The following PDSS2 variants were observed in gnomAD, a reference collection of about 807,000 sequenced individuals.
PDSS2 encodes all trans-polyprenyl-diphosphate synthase PDSS2.
In PDSS2, 31 loss-of-function variants were observed where a neutral mutation model predicts 44.5. The observed-to-expected ratio is 0.70, with a 90% CI of 0.52 to 0.94. The LOEUF (loss-of-function observed/expected upper bound fraction) is 0.94, where lower values mean the gene tolerates loss of function less well. PDSS2 is among the 40% of genes least tolerant of loss of function. The pLI is 0.00. For synonymous variants in PDSS2, 157 were observed against 180.3 expected (o/e 0.87, Z 1.03); for missense variants, 452 against 482.2 (o/e 0.94, Z 0.59).
At chr6:107,213,704 T>C (rs9398124) in intron 4 of PDSS2, among the ~76,000 whole-genome samples, 116,167 of 152,000 alleles carry the variant, frequency 0.76, 45,158 homozygotes, top group East Asian at 0.99. Flanking sequence ...TTGCAGTGAG[T>C]CGAGATTGCA....
chr6:107,420,199 T>TA (rs1780781528), intron 1 of PDSS2, among the ~76,000 whole-genome samples: 1 of 152,276 alleles, frequency 6.6e-6, no homozygotes, highest in South Asian at 2.1e-4. Context: ...TCCTATTCCA[T>TA]AAAAAATTCT....
chr6:107,208,624 T>C (rs1773089672), intron 6 of PDSS2, among the ~76,000 whole-genome samples: 1 of 139,484 alleles, frequency 7.2e-6, no homozygotes, highest in Non-Finnish European at 1.6e-5. Flanking sequence ...TTTTTTTTTT[T>C]TGGGGACGGA....
chr6:107,381,285 A>T (rs1779447749), intron 1 of PDSS2, among the ~76,000 whole-genome samples: 1 of 152,228 alleles, frequency 6.6e-6, no homozygotes, highest in Non-Finnish European at 1.5e-5. Flanking sequence ...TTTTGCATTC[A>T]TCATCAATTG....
rs1770782177 is a variant in PDSS2, at chr6:107,153,636, AAC to A, written c.*981_*982del. 1 of 152,654 alleles carries A rather than the reference AAC, an allele frequency of 6.6e-6. No homozygotes were observed. The highest frequency in any genetic ancestry group is 1.9e-4 in the East Asian group (1 of 5,204). 9.5% of individuals were successfully genotyped at this position (152,654 alleles called of 1,614,324 possible). ...AAAAAACTGATCTTCAGGAAAGAAA[AAC>A]AGACTATTCCTAATATAACCAATTT... On this transcript the variant is annotated 3_prime_UTR_variant, in exon 8 of 8. Coordinates refer to ENST00000369037, the MANE Select transcript of PDSS2 (RefSeq NM_020381.4).
chr6:107,244,982 A>C (rs1774559581), intron 4 of PDSS2, among the ~76,000 whole-genome samples: 1 of 152,208 alleles, frequency 6.6e-6, no homozygotes, highest in African/African-American at 2.4e-5. Context: ...CTTTCTTGAG[A>C]TGTCCTGCTA....
intron 4 of PDSS2, among the ~76,000 whole-genome samples, chr6:107,240,398 CT>C (rs751073523): frequency 0.16 from 21,594 of 130,944 alleles, 1,235 homozygotes; most frequent in East Asian, 0.27. Context: ...GAGACCCTAC[CT>C]TTTTTTTTTT....
chr6:107,219,838 G>A (rs58213277), intron 4 of PDSS2, among the ~76,000 whole-genome samples: 2,863 of 152,262 alleles, frequency 0.019, 85 homozygotes, highest in African/African-American at 0.066. Flanking sequence ...AATAGTACCT[G>A]TTTATCTGTT....
intron 7 of PDSS2, among the ~76,000 whole-genome samples, chr6:107,186,622 C>G (rs562239806): frequency 1.3e-5 from 2 of 152,128 alleles, no homozygotes; most frequent in South Asian, 2.1e-4. Flanking sequence ...CCCCTACCCC[C>G]CAACAGGCCC....
At chr6:107,379,512 C>T (rs1779391941) in intron 1 of PDSS2, among the ~76,000 whole-genome samples, 1 of 152,100 alleles carries the variant, frequency 6.6e-6, no homozygotes, top group African/African-American at 2.4e-5. Context: ...TTAAAGTCTC[C>T]CATTATTAAT....
At chr6:107,211,966 A>G in intron 5 of PDSS2, 143 bp downstream of exon 5, 1 of 714,910 alleles carries the variant, frequency 1.4e-6, no homozygotes, top group South Asian at 1.6e-5. Context: ...TACATTACAT[A>G]ACAATCATCC....
At chr6:107,364,319 G>T (rs1778890268) in intron 1 of PDSS2, among the ~76,000 whole-genome samples, 1 of 152,168 alleles carries the variant, frequency 6.6e-6, no homozygotes, top group African/African-American at 2.4e-5. Flanking sequence ...GGAGGTTCGG[G>T]CCGCACAGGA....
At chr6:107,269,112 G>T (rs1199249721) in intron 3 of PDSS2, among the ~76,000 whole-genome samples, 1 of 151,758 alleles carries the variant, frequency 6.6e-6, no homozygotes, top group Non-Finnish European at 1.5e-5. Flanking sequence ...GATAATTTCA[G>T]GGTTTCATCA....
In PDSS2 at chr6:107,156,547, G is replaced by A. The variant is rs1043058865; in HGVS notation, c.1042-1770C>T. ...CCAGACGTCTTCATTCCCCACATCC[G>A]GTTAGGCACAGGGGCAGTCTCAGGG... On this transcript the variant is annotated intron_variant, in intron 7 of 7. Transcript: ENST00000369037. Among the ~76,000 whole-genome samples, 17 of 152,268 alleles carry A rather than the reference G, an allele frequency of 1.1e-4. No homozygotes were observed. In the South Asian group the frequency reaches 3.3e-3, roughly 30 times the overall value.
chr6:107,370,381 A>G (rs1779094956), intron 1 of PDSS2, among the ~76,000 whole-genome samples: 1 of 152,204 alleles, frequency 6.6e-6, no homozygotes, highest in African/African-American at 2.4e-5. Flanking sequence ...AGTGATCCCA[A>G]TTTGAAGAAA....
At chr6:107,213,745 A>G (rs529042617) in intron 4 of PDSS2, among the ~76,000 whole-genome samples, 2 of 152,326 alleles carry the variant, frequency 1.3e-5, no homozygotes, top group Admixed American at 6.5e-5. Flanking sequence ...CGAAAGAGCA[A>G]GACTGTCTCA....
At chr6:107,202,339 C>T (rs1258399617) in intron 6 of PDSS2, among the ~76,000 whole-genome samples, 2 of 151,790 alleles carry the variant, frequency 1.3e-5, no homozygotes, top group Non-Finnish European at 2.9e-5. Flanking sequence ...GCACCCAGCC[C>T]TATAATGCTA....
At chr6:107,313,945 G>A (rs533275812) in intron 2 of PDSS2, among the ~76,000 whole-genome samples, 1 of 152,140 alleles carries the variant, frequency 6.6e-6, no homozygotes, top group South Asian at 2.1e-4. Context: ...GAGGACAGGC[G>A]TTCAAGACCA....
At chr6:107,222,383 G>A (rs1773637019) in intron 4 of PDSS2, among the ~76,000 whole-genome samples, 1 of 152,060 alleles carries the variant, frequency 6.6e-6, no homozygotes, top group Non-Finnish European at 1.5e-5. Flanking sequence ...GGCCGGGCAT[G>A]GTAGCTCACA....
At chr6:107,319,048 C>T (rs1450151739) in intron 2 of PDSS2, among the ~76,000 whole-genome samples, 1 of 151,808 alleles carries the variant, frequency 6.6e-6, no homozygotes, top group African/African-American at 2.4e-5. Flanking sequence ...ACACACTACA[C>T]ACACACTCAG....
Sources: allele counts gnomAD v4.1 joint callset (sites outside exome capture counted in the v4.1 genomes callset), GRCh38; gene constraint gnomAD v4.1.1; transcripts MANE v1.5; gene names NCBI Gene and HGNC (gene_info 2026-07-23, HGNC 2026-07-21).